Variants in PARD3 observed in about 807,000 individuals in gnomAD.
PARD3 encodes partitioning defective 3 homolog.
In PARD3, 75 loss-of-function variants were observed where a neutral mutation model predicts 155.4. The ratio of observed to expected loss-of-function variants is 0.48; its 90% CI spans 0.40 to 0.58. PARD3 has a LOEUF of 0.58. Ranked by LOEUF, PARD3 falls within the 20% of genes least tolerant of loss-of-function variation. The pLI is 0.00. For synonymous variants in PARD3, 576 were observed against 610.5 expected (o/e 0.94, Z 0.83); for missense variants, 1,642 against 1,721.7 (o/e 0.95, Z 0.82).
In PARD3 at chr10:34,714,966, G is replaced by A. The variant is rs371107574; in HGVS notation, c.121-18547C>T. ...ATTTTGTATTTTTTGTAGAGACGGC[G>A]TCTCACCATGTTGGCCAGGATGCTT... On this transcript the variant is annotated intron_variant, in intron 1 of 24. Transcript: ENST00000374788. 8.6e-5 allele frequency among the ~76,000 whole-genome samples: 13 copies of A among 151,796 alleles called. No homozygotes were observed. The East Asian group carries it at 1.2e-3, about 14-fold the overall frequency.
intron 2 of PARD3, among the ~76,000 whole-genome samples, chr10:34,604,010 C>G (rs2090013851): frequency 6.6e-6 from 1 of 152,070 alleles, no homozygotes; most frequent in African/African-American, 2.4e-5. Flanking sequence ...TCCAGTTTTC[C>G]CCCCAAAACC....
intron 2 of PARD3, among the ~76,000 whole-genome samples, chr10:34,572,654 AAAACTT>A (rs1276099643): frequency 6.6e-6 from 1 of 151,908 alleles, no homozygotes; most frequent in Non-Finnish European, 1.5e-5. Flanking sequence ...AAAAAAAAAA[AAAACTT>A]AAAGAGGAAA....
chr10:34,126,601 C>G (rs1291691372), intron 23 of PARD3, among the ~76,000 whole-genome samples: 1 of 152,088 alleles, frequency 6.6e-6, no homozygotes, highest in Admixed American at 6.5e-5. Context: ...GGTCAGAATA[C>G]ATAAGAGAAG....
intron 1 of PARD3, among the ~76,000 whole-genome samples, chr10:34,720,400 G>C (rs1191609448): frequency 1.5e-5 from 2 of 129,372 alleles, no homozygotes; most frequent in Non-Finnish European, 3.1e-5. Context: ...GCAGTGAGCT[G>C]AGATCATACC....
chr10:34,586,729 C>T (rs1031227943), intron 2 of PARD3, among the ~76,000 whole-genome samples: 3 of 152,140 alleles, frequency 2.0e-5, no homozygotes, highest in African/African-American at 7.2e-5. Context: ...AGTTGGATCA[C>T]CTGAGGTTAG....
intron 22 of PARD3, among the ~76,000 whole-genome samples, chr10:34,258,987 T>C (rs1283885286): frequency 6.6e-6 from 1 of 152,002 alleles, no homozygotes; most frequent in Non-Finnish European, 1.5e-5. Context: ...GAGAAGCGCT[T>C]GGGCCCAGGA....
chr10:34,754,300 C>T (rs1836432596), intron 1 of PARD3, among the ~76,000 whole-genome samples: 1 of 152,216 alleles, frequency 6.6e-6, no homozygotes, highest in Non-Finnish European at 1.5e-5. Context: ...ACCACCATGC[C>T]TGGCCTGGAA....
intron 6 of PARD3, among the ~76,000 whole-genome samples, chr10:34,401,113 C>CTA (rs900758778): frequency 6.6e-6 from 1 of 152,104 alleles, no homozygotes; most frequent in Non-Finnish European, 1.5e-5. Flanking sequence ...ATGTCAATGT[C>CTA]TATATCCCCA....
intron 5 of PARD3, among the ~76,000 whole-genome samples, chr10:34,441,533 T>C (rs559105361): frequency 1.3e-5 from 2 of 152,334 alleles, no homozygotes; most frequent in East Asian, 3.9e-4. Context: ...AGATTCACTA[T>C]GTCTTTTGTT....
chr10:34,692,717 T>C (rs756534227), intron 2 of PARD3, among the ~76,000 whole-genome samples: 3 of 151,924 alleles, frequency 2.0e-5, no homozygotes, highest in Non-Finnish European at 4.4e-5. Context: ...CTACTAAAAA[T>C]ACAAAAATTA....
chr10:34,316,786 A>T (rs893888138), intron 20 of PARD3, among the ~76,000 whole-genome samples: 1 of 152,244 alleles, frequency 6.6e-6, no homozygotes, highest in Non-Finnish European at 1.5e-5. Flanking sequence ...GTCTGAAAAT[A>T]GCTAACATGA....
At chr10:34,387,751 T>G (rs568690802) in intron 7 of PARD3, among the ~76,000 whole-genome samples, 3 of 152,196 alleles carry the variant, frequency 2.0e-5, no homozygotes, top group Non-Finnish European at 4.4e-5. Flanking sequence ...TTCAGATAAG[T>G]AGATGAACAG....
intron 2 of PARD3, among the ~76,000 whole-genome samples, chr10:34,615,080 C>T (rs555028557): frequency 1.8e-4 from 28 of 152,044 alleles, no homozygotes; most frequent in African/African-American, 6.0e-4. Context: ...ACTTGGGAGG[C>T]TGAGGCAGGA....
At chr10:34,543,987 G>A (rs1425294833) in intron 2 of PARD3, among the ~76,000 whole-genome samples, 1 of 152,182 alleles carries the variant, frequency 6.6e-6, no homozygotes, top group African/African-American at 2.4e-5. Flanking sequence ...TCTCACAGAT[G>A]ATGGCAGATC....
intron 22 of PARD3, among the ~76,000 whole-genome samples, chr10:34,236,328 AC>A (rs1953231223): frequency 6.6e-6 from 1 of 151,844 alleles, no homozygotes; most frequent in Admixed American, 6.6e-5. Flanking sequence ...TTTATTTCCC[AC>A]TCTTATTCCA....
Position 34,109,793 on chromosome 10 carries a change from A to G in PARD3, c.*1376T>C, listed in dbSNP as rs1478773970. On this transcript the variant is annotated 3_prime_UTR_variant, in exon 25 of 25. Transcript: ENST00000374788. ...ACATCATTTCTAAAAACAAGTCAAC[A>G]CAAAAATACAATGTGCCAATAAAAA... 6.6e-6 allele frequency: 1 copy of G among 152,130 alleles called. No homozygotes were observed. Among genetic ancestry groups the G allele is most frequent in the Non-Finnish European group, 1.5e-5 (1 of 68,026 alleles). 9.4% of individuals were successfully genotyped at this position (152,130 alleles called of 1,614,324 possible).
chr10:34,274,220 C>T (rs1455282707), intron 21 of PARD3, among the ~76,000 whole-genome samples: 1 of 152,154 alleles, frequency 6.6e-6, no homozygotes, highest in African/African-American at 2.4e-5. Context: ...GAAACAGCAA[C>T]TCAAATTCTA....
chr10:34,344,675 C>T (rs962786778), intron 15 of PARD3: 2 of 985,228 alleles, frequency 2.0e-6, no homozygotes, highest in Non-Finnish European at 2.4e-6. Context: ...GTAGGCAGCC[C>T]CACTACAGGT....
chr10:34,767,949 G>A (rs998671590), intron 1 of PARD3, among the ~76,000 whole-genome samples: 2 of 151,968 alleles, frequency 1.3e-5, no homozygotes, highest in Non-Finnish European at 2.9e-5. Context: ...TTAAAGGGAT[G>A]AAAATATAAA....
Sources: allele counts gnomAD v4.1 joint callset (sites outside exome capture counted in the v4.1 genomes callset), GRCh38; gene constraint gnomAD v4.1.1; transcripts MANE v1.5; gene names NCBI Gene and HGNC (gene_info 2026-07-23, HGNC 2026-07-21).